Variants in PEMT observed in about 807,000 individuals in gnomAD.
The protein encoded by PEMT is phospholipid methyltransferase.
In PEMT, 23 loss-of-function variants were observed where a neutral mutation model predicts 27.4. The ratio of observed to expected loss-of-function variants is 0.84; its 90% CI spans 0.60 to 1.19. The LOEUF is 1.19. PEMT is among the 50% of genes most tolerant of loss of function. PEMT has a pLI of 0.00. For missense variants in PEMT, 307 were observed against 310.1 expected, an observed-to-expected ratio of 0.99 and a Z score of 0.07; for synonymous variants, 137 against 139.1, an observed-to-expected ratio of 0.98 and a Z score of 0.11.
At chr17:17,525,089 G>A (rs1183444006) in intron 2 of PEMT, among the ~76,000 whole-genome samples, 1 of 152,084 alleles carries the variant, frequency 6.6e-6, no homozygotes, top group South Asian at 2.1e-4. Context: ...CCTGGCAACA[G>A]AGCAAGACTC....
At chr17:17,511,332 C>A (rs1375826868) in intron 4 of PEMT, among the ~76,000 whole-genome samples, 2 of 152,358 alleles carry the variant, frequency 1.3e-5, no homozygotes, top group African/African-American at 2.4e-5. Flanking sequence ...GCAGGAAGCA[C>A]TGAACTGCCT....
At chr17:17,564,064 C>G (rs1331919130) in intron 2 of PEMT, among the ~76,000 whole-genome samples, 1 of 152,186 alleles carries the variant, frequency 6.6e-6, no homozygotes, top group Non-Finnish European at 1.5e-5. Flanking sequence ...GCCCTCTTGG[C>G]TAAGGTGGTT....
intron 1 of PEMT, chr17:17,578,533 A>G (rs2142748495): frequency 6.6e-6 from 1 of 152,260 alleles, no homozygotes; most frequent in East Asian, 1.9e-4. Context: ...TTAAAATAAA[A>G]AACTTTTTCT....
At chr17:17,565,577 G>C (rs1201373446) in intron 2 of PEMT, among the ~76,000 whole-genome samples, 1 of 152,246 alleles carries the variant, frequency 6.6e-6, no homozygotes, top group Non-Finnish European at 1.5e-5. Flanking sequence ...GGCAGGAACA[G>C]GGCTGCCTCT....
chr17:17,575,004 G>C (rs1266269084), intron 2 of PEMT, among the ~76,000 whole-genome samples: 1 of 152,192 alleles, frequency 6.6e-6, no homozygotes, highest in East Asian at 1.9e-4. Flanking sequence ...TAAATACCCT[G>C]GCCTCGCTTC....
chr17:17,585,674 C>T (rs1454043801), intron 1 of PEMT, among the ~76,000 whole-genome samples: 1 of 152,158 alleles, frequency 6.6e-6, no homozygotes, highest in African/African-American at 2.4e-5. Flanking sequence ...CATCATAAAA[C>T]CTTTAGAAGG....
At chr17:17,529,384 C>A (rs1426667611) in intron 2 of PEMT, among the ~76,000 whole-genome samples, 1 of 152,236 alleles carries the variant, frequency 6.6e-6, no homozygotes, top group Non-Finnish European at 1.5e-5. Flanking sequence ...CCAAAGCGTC[C>A]CACAGCACAT....
At chr17:17,536,749 A>ATGCTCTG (rs1908502057) in intron 2 of PEMT, among the ~76,000 whole-genome samples, 1 of 152,158 alleles carries the variant, frequency 6.6e-6, no homozygotes, top group Admixed American at 6.5e-5. Flanking sequence ...GGTGCGACTC[A>ATGCTCTG]TGCTCTGTGC....
At chr17:17,511,267 C>T (rs147416544) in intron 4 of PEMT, among the ~76,000 whole-genome samples, 293 of 152,292 alleles carry the variant, frequency 1.9e-3, no homozygotes, top group African/African-American at 6.6e-3. Flanking sequence ...CAGATCCAGA[C>T]GCTCCTGGCT....
chr17:17,566,237 T>C (rs1170149079), intron 2 of PEMT, among the ~76,000 whole-genome samples: 2 of 150,330 alleles, frequency 1.3e-5, no homozygotes, highest in Non-Finnish European at 3.0e-5. Flanking sequence ...TGGCAGGGAG[T>C]TTTACAGGGA....
At chr17:17,522,870 AC>A (rs1440436985) in intron 2 of PEMT, among the ~76,000 whole-genome samples, 1 of 151,500 alleles carries the variant, frequency 6.6e-6, no homozygotes, top group Non-Finnish European at 1.5e-5. Context: ...TGGGGGCCTC[AC>A]AAAGTGTCCA....
rs1017560552 is a variant in PEMT at position 17,523,283 on chromosome 17, C to T, written c.205-888G>A. ...GTGTGCACAGGAAGAGCCTCAGAGG[C>T]CTGCTCCCAGCCACCTACCTCCACC... On this transcript the variant is annotated intron_variant, in intron 2 of 6. Transcript: ENST00000255389. The surrounding 1 kb of genome is among the most constrained non-coding windows in gnomAD (Gnocchi z 4.8). 6.6e-6 allele frequency among the ~76,000 whole-genome samples: 1 copy of T among 152,220 alleles called. No homozygotes were observed. The highest frequency in any genetic ancestry group is 6.5e-5 in the Admixed American group (1 of 15,292).
chr17:17,529,462 C>CA (rs1208412359), intron 2 of PEMT, among the ~76,000 whole-genome samples: 1 of 152,264 alleles, frequency 6.6e-6, no homozygotes, highest in Admixed American at 6.5e-5. Context: ...TCCAACAGAT[C>CA]AACAGACCTG....
In PEMT at chr17:17,554,905, C is replaced by T. The variant is rs573078021; in HGVS notation, c.204+22015G>A. On this transcript the variant is annotated intron_variant, in intron 2 of 6. Coordinates refer to ENST00000255389, the MANE Select transcript of PEMT (RefSeq NM_148172.3). Reference sequence around the variant, plus strand: ...TGCTAGGATTACAGGCACGAGCCATCGCGCCCGGCCAGCAGATTTTTTTAA... The same window carrying T: ...TGCTAGGATTACAGGCACGAGCCATTGCGCCCGGCCAGCAGATTTTTTTAA... Among the ~76,000 whole-genome samples the T allele has an allele frequency of 4.1e-4, 63 of 152,262 alleles. 1 individual carries two copies. The East Asian group carries it at 0.011, about 27-fold the overall frequency.
intron 1 of PEMT, among the ~76,000 whole-genome samples, chr17:17,588,179 G>A (rs1182979478): frequency 6.6e-6 from 1 of 152,186 alleles, no homozygotes; most frequent in Non-Finnish European, 1.5e-5. Context: ...CTCTGTCTTG[G>A]CTGATGCCAA....
At chr17:17,591,373 T>TCCCGCACGCGGCTCC (rs1263683136) in intron 1 of PEMT, 158 bp downstream of exon 1, 18 of 639,156 alleles carry the variant, frequency 2.8e-5, no homozygotes, top group Middle Eastern at 4.3e-4. Context: ...CAGCCGGCGC[T>TCCCGCACGCGGCTCC]CCCGCACGCG....
chr17:17,531,621 C>CAAAAAAA (rs58165466), intron 2 of PEMT, among the ~76,000 whole-genome samples: 47 of 62,406 alleles, frequency 7.5e-4, no homozygotes, highest in Middle Eastern at 0.018. Context: ...CTATCATATG[C>CAAAAAAA]AAAAAAAAAA....
In PEMT at chr17:17,562,925, C is replaced by T. The variant is rs28593591; in HGVS notation, c.204+13995G>A. 1.9e-3 allele frequency among the ~76,000 whole-genome samples: 287 copies of T among 152,060 alleles called. 1 individual carries two copies. The highest frequency in any genetic ancestry group is 6.8e-3 in the African/African-American group (280 of 41,342). ...CTCTGATGTCAGGCATGTCCCACGT[C>T]CCCACCCACCTGACAAGGAACCTGC... On this transcript the variant is annotated intron_variant, in intron 2 of 6. Coordinates refer to ENST00000255389, the MANE Select transcript of PEMT (RefSeq NM_148172.3).
chr17:17,590,985 C>A (rs1912554975), intron 1 of PEMT, among the ~76,000 whole-genome samples: 1 of 152,150 alleles, frequency 6.6e-6, no homozygotes, highest in Admixed American at 6.5e-5. Flanking sequence ...CTGCCCAGGG[C>A]CGGCTGGGAG....
Sources: gnomAD v4.1 joint callset for allele counts (sites outside exome capture counted in the v4.1 genomes callset) on GRCh38, gnomAD v4.1.1 for gene constraint, Gnocchi (gnomAD v3.1) non-coding constraint, MANE v1.5 for transcripts, NCBI Gene and HGNC (gene_info 2026-07-23, HGNC 2026-07-21) for gene names.